The following ADRA1A variants were observed in gnomAD, a reference collection of about 807,000 sequenced individuals.
The protein encoded by ADRA1A is alpha-1A adrenergic receptor.
ADRA1A carries 31 observed loss-of-function variants against 29.6 expected under a neutral mutation model. The ratio of observed to expected loss-of-function variants is 1.05; its 90% CI spans 0.79 to 1.41. The LOEUF is 1.41. Ranked by LOEUF, ADRA1A falls within the 40% of genes most tolerant of loss-of-function variation. The probability of loss-of-function intolerance (pLI) is 0.00; values close to 1 mark genes in which losing one functional copy is unlikely to be tolerated. For synonymous variants in ADRA1A, 311 were observed against 254.3 expected (o/e 1.22, Z -2.12); for missense variants, 619 against 601.1 (o/e 1.03, Z -0.31).
At position 26,865,775 on chromosome 8, in the gene ADRA1A, G is replaced by A; in HGVS notation, c.-686-120C>T. ...GCCGGGTTGGTTCTGCGGTCCAGAA[G>A]CTGCTTCGCCCGGCAGCGGTGGAGG... On this transcript the variant is annotated intron_variant, in intron 1 of 2. Coordinates refer to ENST00000380573, the MANE Select transcript of ADRA1A (RefSeq NM_000680.4). The surrounding 1 kb of genome is among the most constrained non-coding windows in gnomAD (Gnocchi z 7.6). 1.1e-6 allele frequency: 1 copy of A among 938,398 alleles called. No homozygotes were observed. Among genetic ancestry groups the A allele is most frequent in the Non-Finnish European group, 1.3e-6 (1 of 787,234 alleles). 58.1% of individuals were successfully genotyped at this position (938,398 alleles called of 1,614,324 possible).
downstream of ADRA1A, among the ~76,000 whole-genome samples, chr8:26,764,634 T>C (rs1026981908): frequency 6.6e-6 from 1 of 152,238 alleles, no homozygotes; most frequent in Non-Finnish European, 1.5e-5. Context: ...TCCTCTTTTC[T>C]TTATATGCTA....
At chr8:26,852,909 A>G (rs1439647892) in intron 2 of ADRA1A, among the ~76,000 whole-genome samples, 1 of 152,194 alleles carries the variant, frequency 6.6e-6, no homozygotes, top group African/African-American at 2.4e-5. Context: ...GATGCAAATG[A>G]GAAGTGAAAT....
At chr8:26,857,986 T>A (rs553953303) in intron 2 of ADRA1A, among the ~76,000 whole-genome samples, 1 of 152,348 alleles carries the variant, frequency 6.6e-6, no homozygotes, top group African/African-American at 2.4e-5. Context: ...AAACAGTATA[T>A]GTTCAATGAA....
chr8:26,779,806 A>G (rs555075496), intron 2 of ADRA1A, among the ~76,000 whole-genome samples: 5 of 152,314 alleles, frequency 3.3e-5, no homozygotes, highest in African/African-American at 1.2e-4. Flanking sequence ...CTTGGAGCAC[A>G]GCACGGTTTG....
chr8:26,802,345 C>T (rs559553496), intron 2 of ADRA1A, among the ~76,000 whole-genome samples: 1 of 152,200 alleles, frequency 6.6e-6, no homozygotes, highest in Admixed American at 6.5e-5. Context: ...AAACTAATAA[C>T]CGAAATTTAT....
intron 2 of ADRA1A, among the ~76,000 whole-genome samples, chr8:26,797,824 G>A (rs1241436027): frequency 6.6e-6 from 1 of 152,094 alleles, no homozygotes; most frequent in African/African-American, 2.4e-5. Context: ...CAAAGGAAAA[G>A]TGATCATGAC....
rs1472410059 is a variant in ADRA1A, at chr8:26,866,478, C to A, written c.-687+458G>T. On this transcript the variant is annotated intron_variant, in intron 1 of 2. Coordinates refer to ENST00000380573, the MANE Select transcript of ADRA1A (RefSeq NM_000680.4). This position sits in a 1 kb window ranked among gnomAD's most constrained non-coding sequence, Gnocchi z 5.7. ...AGCCGGCATGCCAGCGGGCAGGGGC[C>A]GCCTTCGATTTTCTGGGCTGGGGGC... Among the ~76,000 whole-genome samples the A allele has an allele frequency of 1.3e-5, 2 of 152,252 alleles. No individual in the cohort carries two copies. Among genetic ancestry groups the A allele is most frequent in the East Asian group, 3.9e-4 (2 of 5,150 alleles).
intron 2 of ADRA1A, among the ~76,000 whole-genome samples, chr8:26,758,657 C>A (rs1185832529): frequency 6.6e-6 from 1 of 152,174 alleles, no homozygotes; most frequent in African/African-American, 2.4e-5. Context: ...GGTTCCCAGT[C>A]CATCATCGGT....
intron 2 of ADRA1A, among the ~76,000 whole-genome samples, chr8:26,811,893 TTA>T (rs899394681): frequency 2.2e-4 from 33 of 152,364 alleles, no homozygotes; most frequent in African/African-American, 7.7e-4. Context: ...ATTCACATTG[TTA>T]TATGCATCAG....
In ADRA1A at chr8:26,787,957, G is replaced by A. The variant is rs189572175; in HGVS notation, c.884-17291C>T. On this transcript the variant is annotated intron_variant, in intron 2 of 2. Transcript: ENST00000380573. This position sits in a 1 kb window ranked among gnomAD's most constrained non-coding sequence, Gnocchi z 4.2. ...GGGATAATTTCCAAGGTCAGAAACC[G>A]GACATTGAGTACATCTTCCTGCAGA... Among the ~76,000 whole-genome samples, 12 of 151,708 alleles carry A rather than the reference G, an allele frequency of 7.9e-5. No homozygotes were observed. In the South Asian group the frequency reaches 1.9e-3, roughly 24 times the overall value.
intron 2 of ADRA1A, among the ~76,000 whole-genome samples, chr8:26,816,528 GGTGTATGT>G (rs1370812449): frequency 8.3e-6 from 1 of 120,602 alleles, no homozygotes; most frequent in African/African-American, 3.1e-5. Context: ...AGGTGCTCAT[GGTGTATGT>G]GTGTGTGTGT....
In ADRA1A at chr8:26,806,982, C is replaced by T. The variant is rs949540126; in HGVS notation, c.884-36316G>A. ...TCTGTTAATAATGTCAAACTTATGT[C>T]GGGGGTAAAGTGCTATAAAAATAAA... On this transcript the variant is annotated intron_variant, in intron 2 of 2. Coordinates refer to ENST00000380573, the MANE Select transcript of ADRA1A (RefSeq NM_000680.4). This position sits in a 1 kb window ranked among gnomAD's most constrained non-coding sequence, Gnocchi z 4.6. Among the ~76,000 whole-genome samples the T allele has an allele frequency of 6.6e-6, 1 of 152,066 alleles. No homozygotes were observed. The highest frequency in any genetic ancestry group is 1.9e-4 in the East Asian group (1 of 5,186).
chr8:26,754,998 G>T (rs1805090522), downstream of ADRA1A, among the ~76,000 whole-genome samples: 1 of 151,948 alleles, frequency 6.6e-6, no homozygotes, highest in Non-Finnish European at 1.5e-5. Context: ...TGTTGTTGTT[G>T]GAAAAACTTG....
intron 2 of ADRA1A, among the ~76,000 whole-genome samples, chr8:26,834,636 C>T (rs757098012): frequency 1.3e-5 from 2 of 152,174 alleles, no homozygotes; most frequent in African/African-American, 2.4e-5. Context: ...TAGATCCCAC[C>T]AGCCCAGAAG....
In ADRA1A at chr8:26,829,209, T is replaced by G. The variant is rs188482094; in HGVS notation, c.883+34878A>C. On this transcript the variant is annotated intron_variant, in intron 2 of 2. Transcript: ENST00000380573. Reference sequence around the variant, plus strand: ...GACTCACCTAATGCCAAAGCCAGGGTCTAGATAAATCCTGCTTGACACAAG... The same window carrying G: ...GACTCACCTAATGCCAAAGCCAGGGGCTAGATAAATCCTGCTTGACACAAG... Among the ~76,000 whole-genome samples the G allele has an allele frequency of 7.9e-4, 120 of 152,074 alleles. 1 individual carries two copies. Among genetic ancestry groups the G allele is most frequent in the African/African-American group, 2.7e-3 (110 of 41,474 alleles).
At chr8:26,856,077 G>A (rs1288256671) in intron 2 of ADRA1A, among the ~76,000 whole-genome samples, 1 of 152,172 alleles carries the variant, frequency 6.6e-6, no homozygotes, top group East Asian at 1.9e-4. Context: ...CCTGCAGCAC[G>A]TTCTTTTGAA....
rs1195116848 is a variant in ADRA1A, at chr8:26,860,421, C to T, written c.883+3666G>A. On this transcript the variant is annotated intron_variant, in intron 2 of 2. Coordinates refer to ENST00000380573, the MANE Select transcript of ADRA1A (RefSeq NM_000680.4). The surrounding 1 kb of genome is among the most constrained non-coding windows in gnomAD (Gnocchi z 4.7). ...CACAGTAGGTCCTCAGCATTGCCTC[C>T]TGTATCCCTCAGCTGCTTAGCTCTT... Among the ~76,000 whole-genome samples, 1 of 152,198 alleles carries T rather than the reference C, an allele frequency of 6.6e-6. No individual in the cohort carries two copies. The highest frequency in any genetic ancestry group is 1.5e-5 in the Non-Finnish European group (1 of 68,036).
At chr8:26,759,866 A>C (rs1563230635) in intron 2 of ADRA1A, among the ~76,000 whole-genome samples, 2 of 152,286 alleles carry the variant, frequency 1.3e-5, no homozygotes, top group East Asian at 3.9e-4. Context: ...AAGACAGAAT[A>C]CTTTTGTAGG....
At chr8:26,816,948 T>C (rs988903217) in intron 2 of ADRA1A, among the ~76,000 whole-genome samples, 3 of 152,224 alleles carry the variant, frequency 2.0e-5, no homozygotes, top group African/African-American at 7.2e-5. Context: ...GAAAAATCTT[T>C]GTCATCTGGA....
Sources: gnomAD v4.1 joint callset for allele counts (sites outside exome capture counted in the v4.1 genomes callset) on GRCh38, gnomAD v4.1.1 for gene constraint, Gnocchi (gnomAD v3.1) non-coding constraint, MANE v1.5 for transcripts, NCBI Gene and HGNC (gene_info 2026-07-23, HGNC 2026-07-21) for gene names.